The following TMEM132D variants were observed in gnomAD, a reference collection of about 807,000 sequenced individuals.
TMEM132D encodes the protein transmembrane protein 132D.
TMEM132D carries 21 observed loss-of-function variants against 62.3 expected under a neutral mutation model. The observed-to-expected ratio is 0.34, with a 90% CI of 0.24 to 0.49. The LOEUF is 0.49. Among genes scored for constraint, TMEM132D ranks in the 20% least tolerant of loss-of-function variants. The pLI, the probability that TMEM132D is intolerant of heterozygous loss-of-function variation, is 0.99. For missense variants in TMEM132D, 1,346 were observed against 1,402.8 expected (o/e 0.96, Z 0.65); for synonymous variants, 621 against 575.6 (o/e 1.08, Z -1.13).
chr12:129,700,108 C>A lies in TMEM132D; in HGVS notation c.670G>T (p.Val224Leu), dbSNP rs781773967. 1.2e-6 allele frequency: 2 copies of A among 1,613,322 alleles called. No homozygotes were observed. The highest frequency in any genetic ancestry group is 4.5e-5 in the East Asian group (2 of 44,856). ...GGGTGCACGGTGTAGTAGAGCTCCACGGGGGTCCCCTCCGGCTGGTCCACG... is the reference window on the plus strand; with the variant it reads ...GGGTGCACGGTGTAGTAGAGCTCCAAGGGGGTCCCCTCCGGCTGGTCCACG... ...KSVDQPEGTP[V>L]ELYYTVHPGG... The change falls in exon 2 of 9, where the codon GTG (valine) becomes TTG (leucine). Residue 224 changes from valine (V) to leucine (L), a missense_variant. Physicochemically the swap from Val to Leu is conservative, Grantham distance 32 (BLOSUM62 1). Transcript: ENST00000422113.
At chr12:129,228,394 A>G (rs1057487689) in intron 4 of TMEM132D, among the ~76,000 whole-genome samples, 2 of 152,174 alleles carry the variant, frequency 1.3e-5, no homozygotes, top group Admixed American at 1.3e-4. Context: ...TCATCTGCTT[A>G]AAGTGTGCAA....
chr12:129,643,471 T>TAGA (rs1041819925), intron 2 of TMEM132D, among the ~76,000 whole-genome samples: 36 of 152,202 alleles, frequency 2.4e-4, no homozygotes, highest in African/African-American at 7.7e-4. Flanking sequence ...CTGGCCACAG[T>TAGA]AGAAACTGTA....
intron 3 of TMEM132D, among the ~76,000 whole-genome samples, chr12:129,478,868 A>G (rs951102976): frequency 3.9e-5 from 6 of 152,130 alleles, no homozygotes; most frequent in Non-Finnish European, 7.4e-5. Flanking sequence ...GTCATTTTGT[A>G]TGTGTATTTG....
At position 129,074,546 on chromosome 12, in the gene TMEM132D, G is replaced by A. The variant is rs764802352; in HGVS notation, c.2629C>T (p.His877Tyr). The A allele has an allele frequency of 5.0e-6, 8 of 1,613,952 alleles. No homozygotes were observed. In the South Asian group the frequency reaches 6.6e-5, roughly 13 times the overall value. ...AGGTCGCTGGGGATGGTCTGCAAGT[G>A]GCTGTTGTCATCTAAAAGGCTTTCC... ...GQESLLDDNS[H>Y]LQTIPSDLTS... The change falls in exon 9 of 9, where the codon CAC becomes TAC. Residue 877 changes from histidine to tyrosine, a missense_variant. By Grantham distance (83) the His-to-Tyr change is moderately conservative. Coordinates refer to ENST00000422113, the MANE Select transcript of TMEM132D (RefSeq NM_133448.3).
intron 1 of TMEM132D, among the ~76,000 whole-genome samples, chr12:129,742,219 G>A (rs555566386): frequency 5.3e-5 from 8 of 152,226 alleles, no homozygotes; most frequent in Non-Finnish European, 7.3e-5. Context: ...AGCTGAGACT[G>A]AGTAATTTAT....
chr12:129,554,124 A>T (rs774584766), intron 2 of TMEM132D, among the ~76,000 whole-genome samples: 1 of 152,118 alleles, frequency 6.6e-6, no homozygotes, highest in African/African-American at 2.4e-5. Flanking sequence ...TCCCTTCCAC[A>T]GTTTCTATTC....
chr12:129,635,121 G>C (rs1456887558), intron 2 of TMEM132D, among the ~76,000 whole-genome samples: 1 of 152,184 alleles, frequency 6.6e-6, no homozygotes, highest in Non-Finnish European at 1.5e-5. Flanking sequence ...TAAATGTTTT[G>C]TCTAAATGTA....
chr12:129,180,636 AGCAG>A (rs1238515303), intron 5 of TMEM132D, among the ~76,000 whole-genome samples: 6 of 152,228 alleles, frequency 3.9e-5, no homozygotes, highest in African/African-American at 1.4e-4. Context: ...GAGTTAAAGA[AGCAG>A]GCAGTCAGGA....
chr12:129,186,754 C>T (rs899492970), intron 5 of TMEM132D, among the ~76,000 whole-genome samples: 5 of 152,318 alleles, frequency 3.3e-5, no homozygotes, highest in East Asian at 3.9e-4. Context: ...ACAATCACTC[C>T]GCAGGAGATT....
At chr12:129,353,508 G>T (rs1266294770) in intron 3 of TMEM132D, among the ~76,000 whole-genome samples, 1 of 152,034 alleles carries the variant, frequency 6.6e-6, no homozygotes, top group African/African-American at 2.4e-5. Flanking sequence ...CCACATCGCT[G>T]AGTCAAATAG....
intron 3 of TMEM132D, among the ~76,000 whole-genome samples, chr12:129,418,003 C>T (rs1156718659): frequency 6.6e-6 from 1 of 152,182 alleles, no homozygotes; most frequent in African/African-American, 2.4e-5. Context: ...CAATGAGCTA[C>T]CATCTCATGC....
chr12:129,597,850 C>T (rs1338583684), intron 2 of TMEM132D, among the ~76,000 whole-genome samples: 2 of 152,020 alleles, frequency 1.3e-5, no homozygotes, highest in Non-Finnish European at 2.9e-5. Context: ...AATTTCCTAC[C>T]GAGTTCAGAC....
chr12:129,691,256 AAATT>A (rs1175551984), intron 2 of TMEM132D, among the ~76,000 whole-genome samples: 28 of 152,164 alleles, frequency 1.8e-4, no homozygotes, highest in African/African-American at 6.7e-4. Flanking sequence ...ACCTAATCTA[AAATT>A]AATTAGTGTT....
chr12:129,851,105 T>C (rs1390517522), intron 1 of TMEM132D, among the ~76,000 whole-genome samples: 3 of 152,210 alleles, frequency 2.0e-5, no homozygotes, highest in African/African-American at 7.2e-5. Flanking sequence ...TAGCTTTCAT[T>C]CTGAATGCTT....
intron 3 of TMEM132D, among the ~76,000 whole-genome samples, chr12:129,516,186 C>G (rs976051930): frequency 6.6e-6 from 1 of 152,138 alleles, no homozygotes; most frequent in Non-Finnish European, 1.5e-5. Context: ...GGACTCAGAC[C>G]CTGTGAACCC....
chr12:129,332,795 A>G (rs1262667303), intron 4 of TMEM132D, among the ~76,000 whole-genome samples: 1 of 152,170 alleles, frequency 6.6e-6, no homozygotes, highest in African/African-American at 2.4e-5. Context: ...TACCTGCAAT[A>G]TGTCAATGGA....
At chr12:129,477,552 G>A (rs886967920) in intron 3 of TMEM132D, among the ~76,000 whole-genome samples, 1 of 152,164 alleles carries the variant, frequency 6.6e-6, no homozygotes, top group African/African-American at 2.4e-5. Flanking sequence ...TGGGTGCCGT[G>A]GCTCACACCT....
intron 4 of TMEM132D, among the ~76,000 whole-genome samples, chr12:129,311,965 G>T (rs1881987370): frequency 6.6e-6 from 1 of 152,210 alleles, no homozygotes; most frequent in African/African-American, 2.4e-5. Context: ...TTTATTCTAA[G>T]TGTGGACGCA....
intron 4 of TMEM132D, among the ~76,000 whole-genome samples, chr12:129,280,647 G>C (rs1173229733): frequency 6.6e-6 from 1 of 152,052 alleles, no homozygotes; most frequent in Non-Finnish European, 1.5e-5. Context: ...GGATTTCTCA[G>C]CCTCCATAAG....
Sources: allele counts gnomAD v4.1 joint callset (sites outside exome capture counted in the v4.1 genomes callset), GRCh38; gene constraint gnomAD v4.1.1; transcripts MANE v1.5; gene names NCBI Gene and HGNC (gene_info 2026-07-23, HGNC 2026-07-21).